Variants in MBD3 observed in about 807,000 individuals in gnomAD.
MBD3 encodes methyl-CpG binding domain protein 3.
In MBD3, 13 loss-of-function variants were observed where a neutral mutation model predicts 31.2. The ratio of observed to expected loss-of-function variants is 0.42; its 90% CI spans 0.27 to 0.66. The LOEUF is 0.66. Ranked by LOEUF, MBD3 falls within the 30% of genes least tolerant of loss-of-function variation. MBD3 has a pLI of 0.26. For missense variants in MBD3, 440 were observed against 426.5 expected (o/e 1.03, Z -0.28); for synonymous variants, 223 against 187.4 (o/e 1.19, Z -1.55).
At chr19:1,591,489 C>G (rs1169097725) in intron 1 of MBD3, among the ~76,000 whole-genome samples, 1 of 152,192 alleles carries the variant, frequency 6.6e-6, no homozygotes, top group East Asian at 1.9e-4. Flanking sequence ...AAACCACCCG[C>G]CCTCACCTGG....
At chr19:1,579,282 C>T (rs1285242825) in intron 5 of MBD3, among the ~76,000 whole-genome samples, 4 of 151,802 alleles carry the variant, frequency 2.6e-5, no homozygotes, top group Middle Eastern at 6.8e-3. Context: ...GTCACCTTTC[C>T]GCTGCCCACT....
chr19:1,585,142 G>A lies in MBD3; in HGVS notation c.183C>T (p.Thr61=). ...RYLGGSMDLS[T]FDFRTGKMLM... ...GCATCTTGCCCGTGCGGAAGTCGAAGGTGCTCAGGTCCATGGAGCCGCCCA... is the reference window on the plus strand; with the variant it reads ...GCATCTTGCCCGTGCGGAAGTCGAAAGTGCTCAGGTCCATGGAGCCGCCCA... Residue 61 remains threonine, a synonymous_variant, in exon 2 of 7, where the codon ACC becomes ACT. Transcript: ENST00000434436. The surrounding 1 kb of genome is among the most constrained non-coding windows in gnomAD (Gnocchi z 4.1). 6.2e-7 allele frequency: 1 copy of A among 1,611,448 alleles called. No homozygotes were observed. Among genetic ancestry groups the A allele is most frequent in the South Asian group, 1.1e-5 (1 of 91,070 alleles).
At position 1,578,713 on chromosome 19, in the gene MBD3, C is replaced by T. The variant is rs558651834; in HGVS notation, c.678-175G>A. On this transcript the variant is annotated intron_variant, in intron 5 of 6. Transcript: ENST00000434436. The surrounding 1 kb of genome is among the most constrained non-coding windows in gnomAD (Gnocchi z 6.1). ...CTTCACAATCCACGCAGAGAATGAC[C>T]GGCTGCCGCTGGCCATCGCCAGCGT... 1.8e-4 allele frequency among the ~76,000 whole-genome samples: 28 copies of T among 152,282 alleles called. No homozygotes were observed. In the East Asian group the frequency reaches 3.5e-3, roughly 19 times the overall value.
chr19:1,591,934 G>A (rs899822327), intron 1 of MBD3: 7 of 152,164 alleles, frequency 4.6e-5, no homozygotes, highest in Non-Finnish European at 7.3e-5. Context: ...CACCCTGAGG[G>A]GGCCACGACC....
chr19:1,591,462 C>T (rs2145612747), intron 1 of MBD3, among the ~76,000 whole-genome samples: 1 of 152,330 alleles, frequency 6.6e-6, no homozygotes, highest in African/African-American at 2.4e-5. Context: ...GTCGTTCTGC[C>T]CCTCCTTGGC....
chr19:1,581,050 A>G (rs1325331961), intron 5 of MBD3, 42 bp downstream of exon 5: 1 of 1,612,390 alleles, frequency 6.2e-7, no homozygotes, highest in African/African-American at 1.3e-5. Flanking sequence ...CACGGCCACA[A>G]GAGACAGGGT....
In MBD3 at chr19:1,592,381, A is replaced by ACACGCACGCAAGACGCACG. The variant is rs1211544602; in HGVS notation, c.110+122_110+140dup. ...CACTGGGCCTCCGCGCGCCGGGCGC[A>ACACGCACGCAAGACGCACG]CACGCACGCAAGACGCACGCACGCA... is the stretch of plus-strand genomic sequence containing the variant. On this transcript the variant is annotated intron_variant, in intron 1 of 6. Transcript: ENST00000434436. 9.0e-4 allele frequency: 177 copies of ACACGCACGCAAGACGCACG among 196,780 alleles called. 2 individuals carry two copies. Among genetic ancestry groups the ACACGCACGCAAGACGCACG allele is most frequent in the East Asian group, 5.1e-3 (34 of 6,658 alleles). 12.2% of individuals were successfully genotyped at this position (196,780 alleles called of 1,614,324 possible).
chr19:1,588,870 G>A (rs1407525507), intron 1 of MBD3, among the ~76,000 whole-genome samples: 3 of 151,748 alleles, frequency 2.0e-5, no homozygotes, highest in Non-Finnish European at 2.9e-5. Flanking sequence ...GGGCGCACAA[G>A]GCAGTGGTAA....
At chr19:1,591,294 T>C (rs2060702370) in intron 1 of MBD3, among the ~76,000 whole-genome samples, 2 of 152,184 alleles carry the variant, frequency 1.3e-5, no homozygotes, top group Non-Finnish European at 2.9e-5. Flanking sequence ...GTCCTCCAAC[T>C]TTCCAGGAAC....
chr19:1,588,545 G>A (rs2060689383), intron 1 of MBD3, among the ~76,000 whole-genome samples: 1 of 152,124 alleles, frequency 6.6e-6, no homozygotes, highest in African/African-American at 2.4e-5. Flanking sequence ...ACTTTGGGAG[G>A]CTGAGGTGGG....
chr19:1,588,507 CG>C (rs1171219042), intron 1 of MBD3, among the ~76,000 whole-genome samples: 1 of 152,078 alleles, frequency 6.6e-6, no homozygotes, highest in East Asian at 1.9e-4. Flanking sequence ...CAAGGCCGGG[CG>C]CGGTGGCTCA....
At position 1,584,904 on chromosome 19, in the gene MBD3, C is replaced by G; in HGVS notation, c.270+151G>C. 7 of 1,227,028 alleles carry G rather than the reference C, an allele frequency of 5.7e-6. No homozygotes were observed. The South Asian group carries it at 9.5e-5, about 17-fold the overall frequency. The allele number at this position is 1,227,028 out of a possible 1,614,324, so 76.0% of individuals were successfully genotyped here. On this transcript the variant is annotated intron_variant, in intron 2 of 6. Transcript: ENST00000434436. ...CGCCATGCGCCTTGCGCTCTGCACC[C>G]TGTGGCCTGCGCCTTCCGCTCTGTG...
intron 1 of MBD3, among the ~76,000 whole-genome samples, chr19:1,591,822 C>G (rs1021657497): frequency 1.7e-4 from 26 of 152,286 alleles, no homozygotes; most frequent in Non-Finnish European, 1.2e-4. Context: ...CGCCTTGTTC[C>G]AATTTGGGGA....
At chr19:1,579,108 C>T (rs112655625) in intron 5 of MBD3, among the ~76,000 whole-genome samples, 1,810 of 138,148 alleles carry the variant, frequency 0.013, 29 homozygotes, top group African/African-American at 0.046. Context: ...CACTTGAACC[C>T]GGGAGGCGGA....
intron 1 of MBD3, among the ~76,000 whole-genome samples, chr19:1,587,029 G>A (rs1188095077): frequency 1.3e-5 from 2 of 149,176 alleles, no homozygotes; most frequent in African/African-American, 2.5e-5. Context: ...GCAGTGGTGC[G>A]ATCTTGGCTC....
In MBD3 at chr19:1,578,724, G is replaced by A. The variant is rs975697474; in HGVS notation, c.678-186C>T. On this transcript the variant is annotated intron_variant, in intron 5 of 6. Coordinates refer to ENST00000434436, the MANE Select transcript of MBD3 (RefSeq NM_001281453.2). The surrounding 1 kb of genome is among the most constrained non-coding windows in gnomAD (Gnocchi z 6.1). Reference sequence around the variant, plus strand: ...ACGCAGAGAATGACCGGCTGCCGCTGGCCATCGCCAGCGTCCGCCACCCTC... The same window carrying A: ...ACGCAGAGAATGACCGGCTGCCGCTAGCCATCGCCAGCGTCCGCCACCCTC... 6.6e-6 allele frequency among the ~76,000 whole-genome samples: 1 copy of A among 152,142 alleles called. No homozygotes were observed. The highest frequency in any genetic ancestry group is 1.5e-5 in the Non-Finnish European group (1 of 68,006).
In MBD3 at chr19:1,592,537, T is replaced by C. The variant is rs749523001; in HGVS notation, c.95A>G (p.Asp32Gly). ...RRSGLSAGHR[D>G]VFYYSPSGKK... ...GCTCATTCACCTATAGTAAAAGACA[T>C]CCCTGTGGCCGGCCGACAGCCCCGA... Residue 32 changes from aspartate to glycine, a missense_variant, in exon 1 of 7, where the codon GAT becomes GGT. By Grantham distance (94) the Asp-to-Gly change is moderately conservative (BLOSUM62 -1). Transcript: ENST00000434436. The C allele has an allele frequency of 4.2e-6, 6 of 1,431,170 alleles. No individual in the cohort carries two copies. In the East Asian group the frequency reaches 1.8e-4, roughly 42 times the overall value. 88.7% of individuals were successfully genotyped at this position (1,431,170 alleles called of 1,614,324 possible). A position where few individuals can be genotyped will look rare whatever the true frequency, so the allele number is the denominator to read the frequency against.
rs1420896986 is a variant in MBD3 at position 1,575,223 on chromosome 19, A to G, written c.*2941T>C. The G allele has an allele frequency of 3.9e-5, 17 of 433,186 alleles. No individual in the cohort carries two copies. Among genetic ancestry groups the G allele is most frequent in the Non-Finnish European group, 7.1e-5 (15 of 211,470 alleles). 26.8% of individuals were successfully genotyped at this position (433,186 alleles called of 1,614,324 possible). On this transcript the variant is annotated 3_prime_UTR_variant, in exon 7 of 7. Coordinates refer to ENST00000434436, the MANE Select transcript of MBD3 (RefSeq NM_001281453.2). ...GGCGGGCGGATCACCTGAGGTTAGG[A>G]GTTCCAGACCAGACTGGCCAACATG...
rs1364921227 is a variant in MBD3 at position 1,592,760 on chromosome 19, G to A, written c.-129C>T. 3 of 177,502 alleles carry A rather than the reference G, an allele frequency of 1.7e-5. No homozygotes were observed. Among genetic ancestry groups the A allele is most frequent in the East Asian group, 1.9e-4 (1 of 5,208 alleles). The allele number at this position is 177,502 out of a possible 1,614,324, so 11.0% of individuals were successfully genotyped here. On this transcript the variant is annotated 5_prime_UTR_variant, in exon 1 of 7. Transcript: ENST00000434436. ...CTTGCCGCGGCTGTTCCGGCCCGCGGGCCCCCGCCCTCCGCCCCCAGCCGG... is the reference window on the plus strand; with the variant it reads ...CTTGCCGCGGCTGTTCCGGCCCGCGAGCCCCCGCCCTCCGCCCCCAGCCGG...
Sources: gnomAD v4.1 joint callset for allele counts (sites outside exome capture counted in the v4.1 genomes callset) on GRCh38, gnomAD v4.1.1 for gene constraint, Gnocchi (gnomAD v3.1) non-coding constraint, MANE v1.5 for transcripts, NCBI Gene and HGNC (gene_info 2026-07-23, HGNC 2026-07-21) for gene names.